Variants in PTGES observed in about 807,000 individuals in gnomAD.
The protein encoded by PTGES is prostaglandin E synthase.
A neutral mutation model predicts 11.8 loss-of-function variants in PTGES; 3 were observed. The ratio of observed to expected loss-of-function variants is 0.25; its 90% CI spans 0.12 to 0.66. PTGES has a LOEUF of 0.66. Among genes scored for constraint, PTGES ranks in the 30% least tolerant of loss-of-function variants. The probability of loss-of-function intolerance (pLI) is 0.82; values close to 1 mark genes in which losing one functional copy is unlikely to be tolerated. For synonymous variants in PTGES, 94 were observed against 90.4 expected (o/e 1.04, Z -0.22); for missense variants, 180 against 213.0 (o/e 0.85, Z 0.96).
intron 2 of PTGES, among the ~76,000 whole-genome samples, chr9:129,743,676 G>A (rs1264257935): frequency 1.3e-5 from 2 of 152,222 alleles, no homozygotes; most frequent in Non-Finnish European, 2.9e-5. Context: ...CTTTGTATCA[G>A]GGTTGACGCA....
rs202149383 is a variant in PTGES, at chr9:129,738,770, T to C, written c.*841A>G. On this transcript the variant is annotated 3_prime_UTR_variant, in exon 3 of 3. Transcript: ENST00000340607. This position sits in a 1 kb window ranked among gnomAD's most constrained non-coding sequence, Gnocchi z 4.2. ...ATACAGGAACCCAAGACCCCAGCCTTGCTTCCACAGAGAACTGGCAGGGGT... is the reference window on the plus strand; with the variant it reads ...ATACAGGAACCCAAGACCCCAGCCTCGCTTCCACAGAGAACTGGCAGGGGT... 6.6e-6 allele frequency: 1 copy of C among 152,310 alleles called. No homozygotes were observed. The highest frequency in any genetic ancestry group is 6.5e-5 in the Admixed American group (1 of 15,288). The allele number at this position is 152,310 out of a possible 1,614,324, so 9.4% of individuals were successfully genotyped here.
chr9:129,744,663 G>A (rs1213230429), intron 2 of PTGES, among the ~76,000 whole-genome samples: 6 of 151,506 alleles, frequency 4.0e-5, no homozygotes, highest in African/African-American at 4.9e-5. Flanking sequence ...GATCACTTGA[G>A]GTCAGGAGTT....
chr9:129,751,622 T>C (rs1281588084), intron 1 of PTGES, among the ~76,000 whole-genome samples: 1 of 151,256 alleles, frequency 6.6e-6, no homozygotes, highest in Non-Finnish European at 1.5e-5. Context: ...GAGGTTGCAG[T>C]AAGCAGAGAT....
chr9:129,748,925 CT>C (rs1393926803), intron 1 of PTGES, among the ~76,000 whole-genome samples, 188 bp from the exon 2 acceptor site: 9 of 152,310 alleles, frequency 5.9e-5, no homozygotes, highest in African/African-American at 9.6e-5. Flanking sequence ...AAAGGCCCCC[CT>C]GTCTCTGCTT....
chr9:129,748,664 C>T lies in PTGES; in HGVS notation c.200G>A (p.Arg67His), dbSNP rs1047031924. ...GGCCCGAAGTACTTGCCTGAGGCAG[C>T]GTTCCACGTCGGGGTCGCTCCTGCA... The part of the protein sequence containing the change: ...QYCRSDPDVE[R>H]CLRAHRNDME... The change falls in exon 2 of 3, where the codon CGC becomes CAC. Residue 67 changes from arginine to histidine, a missense_variant. Physicochemically the swap from Arg to His is conservative, Grantham distance 29 (BLOSUM62 0). Transcript: ENST00000340607. 1.3e-6 allele frequency: 2 copies of T among 1,575,652 alleles called. No individual in the cohort carries two copies. The highest frequency in any genetic ancestry group is 2.0e-5 in the Admixed American group (1 of 50,898).
At chr9:129,748,408 G>A (rs1278121249) in intron 2 of PTGES, among the ~76,000 whole-genome samples, 1 of 152,184 alleles carries the variant, frequency 6.6e-6, no homozygotes, top group Non-Finnish European at 1.5e-5. Context: ...TCAGAGGTAG[G>A]AGGGAGACTG....
chr9:129,748,694 TG>T lies in PTGES; in HGVS notation c.169del (p.Gln57SerfsTer72). 1.3e-6 allele frequency: 2 copies of T among 1,587,612 alleles called. No individual in the cohort carries two copies. Among genetic ancestry groups the T allele is most frequent in the Admixed American group, 1.9e-5 (1 of 53,844 alleles). ...CACGTCGGGGTCGCTCCTGCAATAC[TG>T]GGGGCCTCCGTGTCTCAGGGCATCC... ...PEDALRHGGP[Q>X]YCRSDPDVER... On this transcript the variant is annotated frameshift_variant, in exon 2 of 3. Coordinates refer to ENST00000340607, the MANE Select transcript of PTGES (RefSeq NM_004878.5). LOFTEE classifies it high-confidence loss of function.
intron 2 of PTGES, among the ~76,000 whole-genome samples, chr9:129,744,897 T>G (rs1427701136): frequency 6.6e-6 from 1 of 151,902 alleles, no homozygotes; most frequent in Non-Finnish European, 1.5e-5. Flanking sequence ...AAAAATTTTT[T>G]TTGAGTACTT....
chr9:129,739,649 C>T lies in PTGES; in HGVS notation c.421G>A (p.Ala141Thr), dbSNP rs1219095684. The T allele has an allele frequency of 1.3e-6, 2 of 1,553,944 alleles. No individual in the cohort carries two copies. The highest frequency in any genetic ancestry group is 1.7e-6 in the Non-Finnish European group (2 of 1,148,642). Residue 141 changes from alanine to threonine, a missense_variant, in exon 3 of 3, where the codon GCT becomes ACT. Coordinates refer to ENST00000340607, the MANE Select transcript of PTGES (RefSeq NM_004878.5). This position sits in a 1 kb window ranked among gnomAD's most constrained non-coding sequence, Gnocchi z 5.7. ...GCCGCTTCCCAGAGGATCTGCAGAG[C>T]CATGGAGGCGCAGGGGAGCTGGGCC... is the stretch of plus-strand genomic sequence containing the variant. Reference protein sequence around the residue: ...TLAQLPCASMALQILWEAARH... With the variant: ...TLAQLPCASMTLQILWEAARH...
chr9:129,742,892 T>C (rs56897880), intron 2 of PTGES, among the ~76,000 whole-genome samples: 2,451 of 149,130 alleles, frequency 0.016, 68 homozygotes, highest in African/African-American at 0.058. Context: ...AAAGAGTAAG[T>C]CAATGTTTGG....
intron 2 of PTGES, among the ~76,000 whole-genome samples, chr9:129,741,600 G>A (rs1040714830): frequency 6.6e-6 from 1 of 152,182 alleles, no homozygotes; most frequent in African/African-American, 2.4e-5. Flanking sequence ...AGATCCTGGG[G>A]TACTGCCCTC....
chr9:129,752,932 C>T lies in PTGES; in HGVS notation c.81G>A (p.Met27Ile). Residue 27 changes from methionine to isoleucine, a missense_variant, in exon 1 of 3, where the codon ATG becomes ATA. Transcript: ENST00000340607. ...LLCSTLLVIK[M>I]YVVAIITGQV... The stretch of plus-strand genomic sequence containing the variant: ...GGCCCGTGATGATGGCCACCACGTA[C>T]ATCTTGATGACCAGCAGCGTGCTGC... 2 of 1,613,690 alleles carry T rather than the reference C, an allele frequency of 1.2e-6. No homozygotes were observed. The highest frequency in any genetic ancestry group is 8.5e-7 in the Non-Finnish European group (1 of 1,180,050).
rs888092490 is a variant in PTGES at position 129,745,494 on chromosome 9, C to A, written c.209+3161G>T. Among the ~76,000 whole-genome samples the A allele has an allele frequency of 6.6e-6, 1 of 152,204 alleles. No individual in the cohort carries two copies. Among genetic ancestry groups the A allele is most frequent in the African/African-American group, 2.4e-5 (1 of 41,440 alleles). On this transcript the variant is annotated intron_variant, in intron 2 of 2. Coordinates refer to ENST00000340607, the MANE Select transcript of PTGES (RefSeq NM_004878.5). This position sits in a 1 kb window ranked among gnomAD's most constrained non-coding sequence, Gnocchi z 4.2. ...CGGGTTCCAGCCAGTTCTCCGGTAG[C>A]AGACGGCAGGATATAGAATTCTCTT...
At chr9:129,740,450 C>G (rs570935987) in intron 2 of PTGES, among the ~76,000 whole-genome samples, 1 of 152,270 alleles carries the variant, frequency 6.6e-6, no homozygotes, top group Admixed American at 6.5e-5. Context: ...CCTTTTCCCC[C>G]TAAATCTAAC....
chr9:129,741,162 A>C (rs1686139615), intron 2 of PTGES, among the ~76,000 whole-genome samples: 2 of 152,192 alleles, frequency 1.3e-5, no homozygotes, highest in Admixed American at 6.5e-5. Flanking sequence ...TATGTGCAGA[A>C]GCCTGAATGA....
Position 129,752,985 on chromosome 9 carries a change from T to A in PTGES, c.28A>T (p.Ser10Cys). The change falls in exon 1 of 3, where the codon AGC becomes TGC. Residue 10 changes from serine (S) to cysteine (C), a missense_variant. By Grantham distance (112) the Ser-to-Cys change is moderately radical. Coordinates refer to ENST00000340607, the MANE Select transcript of PTGES (RefSeq NM_004878.5). MPAHSLVMSSPALPAFLLCS... is the reference protein window; with the variant it reads MPAHSLVMSCPALPAFLLCS... The stretch of plus-strand genomic sequence containing the variant: ...AGCAGGAAGGCCGGGAGGGCCGGGC[T>A]GCTCATCACCAGGCTGTGGGCAGGC... The A allele has an allele frequency of 1.2e-6, 2 of 1,609,100 alleles. No homozygotes were observed. Among genetic ancestry groups the A allele is most frequent in the Non-Finnish European group, 8.5e-7 (1 of 1,179,984 alleles).
chr9:129,749,957 G>A (rs932409125), intron 1 of PTGES, among the ~76,000 whole-genome samples: 6 of 152,190 alleles, frequency 3.9e-5, no homozygotes, highest in Non-Finnish European at 7.3e-5. Flanking sequence ...CCAGCTCCGC[G>A]CTGATTAACC....
intron 2 of PTGES, among the ~76,000 whole-genome samples, chr9:129,741,296 C>T (rs936684892): frequency 1.8e-4 from 27 of 152,088 alleles, no homozygotes; most frequent in African/African-American, 1.9e-4. Flanking sequence ...GGCTACAGTG[C>T]GGTGCACAAG....
rs200459904 is a variant in PTGES, at chr9:129,739,684, G to C, written c.386C>G (p.Thr129Ser). 55 of 1,560,366 alleles carry C rather than the reference G, an allele frequency of 3.5e-5. No individual in the cohort carries two copies. The highest frequency in any genetic ancestry group is 4.8e-5 in the Non-Finnish European group (55 of 1,152,816). The change falls in exon 3 of 3, where the codon ACC (threonine) becomes AGC (serine). Residue 129 changes from threonine (T) to serine (S), a missense_variant. Coordinates refer to ENST00000340607, the MANE Select transcript of PTGES (RefSeq NM_004878.5). The surrounding 1 kb of genome is among the most constrained non-coding windows in gnomAD (Gnocchi z 5.7). ...GKLRAPIRSV[T>S]YTLAQLPCAS... is the part of the protein sequence containing the mutation. ...GCAGGGGAGCTGGGCCAGGGTGTAG[G>C]TCACGGAGCGGATGGGTGCCCGCAG...
Sources: allele counts gnomAD v4.1 joint callset (sites outside exome capture counted in the v4.1 genomes callset), GRCh38; gene constraint gnomAD v4.1.1; non-coding constraint Gnocchi (gnomAD v3.1); transcripts MANE v1.5; gene names NCBI Gene and HGNC (gene_info 2026-07-23, HGNC 2026-07-21).